Variants in IFT43 observed in about 807,000 individuals in gnomAD.
IFT43 encodes the protein intraflagellar transport 43, also known as intraflagellar transport protein 43 homolog.
IFT43 carries 33 observed loss-of-function variants against 32.3 expected under a neutral mutation model. The observed-to-expected ratio is 1.02, with a 90% CI of 0.77 to 1.37. The LOEUF (loss-of-function observed/expected upper bound fraction) is 1.37. Ranked by LOEUF, IFT43 falls within the 40% of genes most tolerant of loss-of-function variation. The pLI, the probability that IFT43 is intolerant of heterozygous loss-of-function variation, is 0.00. For synonymous variants in IFT43, 93 were observed against 98.2 expected (o/e 0.95, Z 0.31); for missense variants, 274 against 265.9 (o/e 1.03, Z -0.21).
chr14:75,996,463 G>A (rs1432919329), intron 2 of IFT43, among the ~76,000 whole-genome samples: 34 of 152,182 alleles, frequency 2.2e-4, no homozygotes, highest in Non-Finnish European at 1.6e-4. Flanking sequence ...TGTATCAAAC[G>A]AGAATTAGAA....
chr14:76,030,716 G>A (rs1184909067), intron 3 of IFT43, among the ~76,000 whole-genome samples: 1 of 152,092 alleles, frequency 6.6e-6, no homozygotes, highest in Non-Finnish European at 1.5e-5. Context: ...GTTTTCGGAA[G>A]TTATTTGAAT....
At chr14:76,056,539 A>T (rs1275197461) in intron 3 of IFT43, among the ~76,000 whole-genome samples, 1 of 152,242 alleles carries the variant, frequency 6.6e-6, no homozygotes, top group East Asian at 1.9e-4. Context: ...GCCACCGCAC[A>T]TTGTGTAGGG....
At chr14:76,059,622 C>T in intron 5 of IFT43, 1 of 514,608 alleles carries the variant, frequency 1.9e-6, no homozygotes, top group Non-Finnish European at 3.6e-6. Context: ...TCCCCTGAAA[C>T]ATCTTCCCTT....
chr14:76,053,042 A>C (rs1255800459), intron 3 of IFT43, among the ~76,000 whole-genome samples: 1 of 152,210 alleles, frequency 6.6e-6, no homozygotes, highest in Non-Finnish European at 1.5e-5. Context: ...CTTTCTAGGT[A>C]GGTAACCTTA....
chr14:76,034,988 T>A (rs972765784), intron 3 of IFT43, among the ~76,000 whole-genome samples: 1 of 152,208 alleles, frequency 6.6e-6, no homozygotes, highest in African/African-American at 2.4e-5. Flanking sequence ...GGTAGTTTGA[T>A]TAAGTTTTGT....
intron 3 of IFT43, among the ~76,000 whole-genome samples, chr14:76,029,611 T>G (rs143684791): frequency 8.1e-4 from 123 of 152,282 alleles, no homozygotes; most frequent in African/African-American, 2.7e-3. Flanking sequence ...ATTTAAGTCG[T>G]TGATCCATCT....
At chr14:76,016,964 T>C (rs537822233) in intron 2 of IFT43, among the ~76,000 whole-genome samples, 9 of 152,200 alleles carry the variant, frequency 5.9e-5, no homozygotes, top group Non-Finnish European at 8.8e-5. Context: ...TTTAGGTTTT[T>C]GTATTTATAA....
intron 5 of IFT43, chr14:76,076,766 G>A (rs191502333): frequency 7.9e-6 from 12 of 1,516,330 alleles, no homozygotes; most frequent in South Asian, 5.8e-5. Context: ...TAGCATTTTA[G>A]TGTGCGCATG....
intron 3 of IFT43, among the ~76,000 whole-genome samples, chr14:76,040,407 A>G (rs2036684992): frequency 6.6e-6 from 1 of 152,236 alleles, no homozygotes; most frequent in African/African-American, 2.4e-5. Context: ...CTTGGAAAGT[A>G]TTGTGAAGGC....
At chr14:75,999,883 G>A (rs2035850086) in intron 2 of IFT43, among the ~76,000 whole-genome samples, 1 of 152,192 alleles carries the variant, frequency 6.6e-6, no homozygotes, top group African/African-American at 2.4e-5. Context: ...GTTGTAGGGA[G>A]CCCACAAAGA....
chr14:76,027,569 TGTGGTGGCGG>T, intron 3 of IFT43, among the ~76,000 whole-genome samples: 1 of 151,796 alleles, frequency 6.6e-6, no homozygotes, highest in Middle Eastern at 3.4e-3. Context: ...ATTAGCTAGG[TGTGGTGGCGG>T]GTGCCTGTAG....
intron 1 of IFT43, among the ~76,000 whole-genome samples, chr14:75,986,471 A>G (rs896796385): frequency 1.1e-4 from 17 of 151,988 alleles, no homozygotes; most frequent in Non-Finnish European, 2.4e-4. Flanking sequence ...AACCTAAAAA[A>G]CGATTTAACC....
intron 3 of IFT43, among the ~76,000 whole-genome samples, chr14:76,054,190 T>A (rs376586997): frequency 5.3e-5 from 8 of 152,178 alleles, no homozygotes; most frequent in Admixed American, 5.2e-4. Context: ...GCCCAGCCCA[T>A]GTACATTGAA....
intron 3 of IFT43, among the ~76,000 whole-genome samples, chr14:76,052,706 G>T (rs1005785687): frequency 3.9e-5 from 6 of 152,162 alleles, no homozygotes; most frequent in African/African-American, 1.2e-4. Flanking sequence ...TTGAGCAAAA[G>T]AATTTCAAAA....
intron 3 of IFT43, among the ~76,000 whole-genome samples, chr14:76,025,328 G>C (rs1043006924): frequency 6.6e-6 from 1 of 152,028 alleles, no homozygotes; most frequent in Admixed American, 6.5e-5. Context: ...TCAATATTGA[G>C]TCCATTCATG....
Position 76,027,252 on chromosome 14 carries a change from A to G in IFT43, c.215+4858A>G, listed in dbSNP as rs115308575. ...CTTAAAAGTTAAATTAAAAAAAACC[A>G]AAATACCATTATTAAAAATATTTAC... On this transcript the variant is annotated intron_variant, in intron 3 of 8. Coordinates refer to ENST00000314067, the MANE Select transcript of IFT43 (RefSeq NM_001102564.3). Among the ~76,000 whole-genome samples, 1,442 of 152,216 alleles carry G rather than the reference A, an allele frequency of 9.5e-3. 19 individuals carry two copies. Among genetic ancestry groups the G allele is most frequent in the African/African-American group, 0.032 (1,347 of 41,512 alleles).
chr14:76,066,615 G>A (rs1252726145), intron 5 of IFT43, among the ~76,000 whole-genome samples: 1 of 152,220 alleles, frequency 6.6e-6, no homozygotes, highest in African/African-American at 2.4e-5. Flanking sequence ...ACTCGGGAAT[G>A]ATTTCCCTGA....
chr14:76,062,314 C>T (rs1019367814), intron 5 of IFT43, among the ~76,000 whole-genome samples: 4 of 152,056 alleles, frequency 2.6e-5, no homozygotes, highest in Non-Finnish European at 5.9e-5. Flanking sequence ...TCGTGATCCG[C>T]CTGCCTCAGC....
intron 5 of IFT43, among the ~76,000 whole-genome samples, chr14:76,081,645 G>A (rs2037511958): frequency 6.6e-6 from 1 of 152,216 alleles, no homozygotes; most frequent in African/African-American, 2.4e-5. Flanking sequence ...AGAGTTCAGA[G>A]ATGGAAAATC....
Sources: allele counts gnomAD v4.1 joint callset (sites outside exome capture counted in the v4.1 genomes callset), GRCh38; gene constraint gnomAD v4.1.1; transcripts MANE v1.5; gene names NCBI Gene and HGNC (gene_info 2026-07-23, HGNC 2026-07-21).